The following KIF5B variants were observed in gnomAD, a reference collection of about 807,000 sequenced individuals.
The protein encoded by KIF5B is kinesin-1 heavy chain.
KIF5B carries 49 observed loss-of-function variants against 132.8 expected under a neutral mutation model. The observed-to-expected ratio is 0.37, with a 90% CI of 0.29 to 0.47. The LOEUF is 0.47. KIF5B is among the 20% of genes least tolerant of loss of function. The pLI is 1.00. For missense variants in KIF5B, 780 were observed against 1,144.0 expected (o/e 0.68, Z 4.59); for synonymous variants, 355 against 369.4 (o/e 0.96, Z 0.45).
intron 2 of KIF5B, among the ~76,000 whole-genome samples, chr10:32,041,060 C>T (rs11008743): frequency 0.19 from 28,741 of 148,028 alleles, 3,134 homozygotes; most frequent in East Asian, 0.48. Context: ...GCACAAAAAT[C>T]GCCTGAGCCC....
In KIF5B at chr10:32,018,067, A is replaced by G; in HGVS notation, c.2529T>C (p.Thr843=). The G allele has an allele frequency of 2.5e-6, 4 of 1,598,818 alleles. No homozygotes were observed. The highest frequency in any genetic ancestry group is 3.4e-6 in the Non-Finnish European group (4 of 1,167,454). The change falls in exon 23 of 26, where the codon ACT becomes ACC. Residue 843 remains threonine (T), a synonymous_variant. Coordinates refer to ENST00000302418, the MANE Select transcript of KIF5B (RefSeq NM_004521.3). ...TCTTTAGTACCTGTTTGTGCACTTTAGTGAGCTGTTCAAGATTATTTTCAA... is the reference window on the plus strand; with the variant it reads ...TCTTTAGTACCTGTTTGTGCACTTTGGTGAGCTGTTCAAGATTATTTTCAA... ...SFLENNLEQL[T]KVHKQLVRDN... is the part of the protein sequence containing the mutation.
Position 32,028,422 on chromosome 10 carries a change from ATTTACC to A in KIF5B, c.1725_1725+5del. ...ATTGTCCTTAATACTTAGTTATTAT[ATTTACC>A]TTTACATCATTATTTCCCACAGCAA... On this transcript the variant is annotated splice_donor_variant and splice_donor_5th_base_variant and coding_sequence_variant and intron_variant, in exon 15 of 26. Coordinates refer to ENST00000302418, the MANE Select transcript of KIF5B (RefSeq NM_004521.3). LOFTEE classifies it high-confidence loss of function. 1 of 1,604,978 alleles carries A rather than the reference ATTTACC, an allele frequency of 6.2e-7. No individual in the cohort carries two copies. Among genetic ancestry groups the A allele is most frequent in the Non-Finnish European group, 8.5e-7 (1 of 1,172,876 alleles).
intron 25 of KIF5B, among the ~76,000 whole-genome samples, chr10:32,013,647 A>G (rs1841115619): frequency 6.6e-6 from 1 of 151,076 alleles, no homozygotes; most frequent in South Asian, 2.1e-4. Context: ...ATTAAATAAT[A>G]TTAAAAATAT....
intron 1 of KIF5B, among the ~76,000 whole-genome samples, chr10:32,052,240 T>C (rs1841702786): frequency 6.6e-6 from 1 of 152,206 alleles, no homozygotes; most frequent in Admixed American, 6.5e-5. Context: ...ATATTAGATT[T>C]TCCTTAGTTA....
Position 32,035,470 on chromosome 10 carries a change from A to G in KIF5B, c.962+52T>C, listed in dbSNP as rs967534180. ...AACAGCTCACATTTTCCTACATTTTATAAACAAAAGGTCTATCTAAATTTA... is the reference window on the plus strand; with the variant it reads ...AACAGCTCACATTTTCCTACATTTTGTAAACAAAAGGTCTATCTAAATTTA... On this transcript the variant is annotated intron_variant, in intron 10 of 25. Coordinates refer to ENST00000302418, the MANE Select transcript of KIF5B (RefSeq NM_004521.3). 22 of 1,501,146 alleles carry G rather than the reference A, an allele frequency of 1.5e-5. No homozygotes were observed. In the South Asian group the frequency reaches 2.4e-4, roughly 16 times the overall value. The allele number at this position is 1,501,146 out of a possible 1,614,324, so 93.0% of individuals were successfully genotyped here.
At chr10:32,034,079 C>T in intron 11 of KIF5B, 41 bp from the exon 12 acceptor site, 1 of 1,238,740 alleles carries the variant, frequency 8.1e-7, no homozygotes, top group South Asian at 1.5e-5. Context: ...AAAACGACGT[C>T]TAAAGCTAAT....
chr10:32,029,989 T>C (rs558305362), intron 14 of KIF5B, among the ~76,000 whole-genome samples: 2 of 152,310 alleles, frequency 1.3e-5, no homozygotes, highest in East Asian at 1.9e-4. Flanking sequence ...TTTTGTACTG[T>C]TGACTGCTTT....
chr10:32,053,349 T>C (rs1193657958), intron 1 of KIF5B, among the ~76,000 whole-genome samples: 1 of 151,352 alleles, frequency 6.6e-6, no homozygotes, highest in Non-Finnish European at 1.5e-5. Context: ...CTGAAAACAA[T>C]GAACCAAAAC....
At chr10:32,024,064 CAA>C (rs371018606) in intron 15 of KIF5B, among the ~76,000 whole-genome samples, 13,009 of 100,136 alleles carry the variant, frequency 0.13, 803 homozygotes, top group Middle Eastern at 0.24. Context: ...AAAAAAAAAA[CAA>C]AAAAAAAAAA....
At chr10:32,016,930 A>G (rs113562397) in intron 24 of KIF5B, among the ~76,000 whole-genome samples, 1 of 152,254 alleles carries the variant, frequency 6.6e-6, no homozygotes, top group African/African-American at 2.4e-5. Context: ...TAGTTTCTCC[A>G]TTCCATGACC....
At position 32,028,504 on chromosome 10, in the gene KIF5B, C is replaced by T; in HGVS notation, c.1649G>A (p.Arg550Gln). The change falls in exon 15 of 26, where the codon CGA (arginine) becomes CAA (glutamine). Residue 550 changes from arginine (R) to glutamine (Q), a missense_variant. Arg to Gln is a conservative substitution (Grantham distance 43, BLOSUM62 1). Coordinates refer to ENST00000302418, the MANE Select transcript of KIF5B (RefSeq NM_004521.3). The part of the protein sequence containing the change: ...LKEMTNHQKK[R>Q]AAEMMASLLK... ...TAAAGATGCCATCATCTCAGCTGCT[C>T]GTTTTTTCTGGTGGTTGGTCATTTC... 1.9e-6 allele frequency: 3 copies of T among 1,613,596 alleles called. No individual in the cohort carries two copies. The highest frequency in any genetic ancestry group is 1.7e-6 in the Non-Finnish European group (2 of 1,179,658).
chr10:32,037,929 G>A (rs1318481526), intron 6 of KIF5B, among the ~76,000 whole-genome samples: 2 of 151,444 alleles, frequency 1.3e-5, no homozygotes, highest in African/African-American at 4.9e-5. Context: ...GGCCAACATG[G>A]TGAAACTTCG....
chr10:32,018,457 C>T, intron 21 of KIF5B, 45 bp downstream of exon 21: 3 of 1,590,676 alleles, frequency 1.9e-6, no homozygotes, highest in Non-Finnish European at 2.6e-6. Flanking sequence ...TAGAAAAAAC[C>T]CACAAAATAT....
At position 32,013,537 on chromosome 10, in the gene KIF5B, A is replaced by G. The variant is rs575275089; in HGVS notation, c.*20+1972T>C. On this transcript the variant is annotated intron_variant, in intron 25 of 25. Transcript: ENST00000302418. ...GATCAGAAGAGATTTAAGGGATAAA[A>G]CTAAACGCAAACAGCAGTCCTGAAT... Among the ~76,000 whole-genome samples the G allele has an allele frequency of 2.0e-4, 30 of 152,332 alleles. No individual in the cohort carries two copies. In the South Asian group the frequency reaches 5.6e-3, roughly 28 times the overall value.
Position 32,028,412 on chromosome 10 carries a change from T to C in KIF5B, c.1725+16A>G. 12 of 1,593,542 alleles carry C rather than the reference T, an allele frequency of 7.5e-6. No homozygotes were observed. Among genetic ancestry groups the C allele is most frequent in the Non-Finnish European group, 1.0e-5 (12 of 1,163,940 alleles). On this transcript the variant is annotated intron_variant, in intron 15 of 25. Coordinates refer to ENST00000302418, the MANE Select transcript of KIF5B (RefSeq NM_004521.3). ...TATACAGATAATTGTCCTTAATACT[T>C]AGTTATTATATTTACCTTTACATCA...
chr10:32,014,997 C>G lies in KIF5B; in HGVS notation c.*20+512G>C, dbSNP rs796554250. 1.4e-4 allele frequency among the ~76,000 whole-genome samples: 21 copies of G among 152,130 alleles called. 1 individual carries two copies. Among genetic ancestry groups the G allele is most frequent in the African/African-American group, 5.1e-4 (21 of 41,512 alleles). On this transcript the variant is annotated intron_variant, in intron 25 of 25. Coordinates refer to ENST00000302418, the MANE Select transcript of KIF5B (RefSeq NM_004521.3). ...AAAATTAGCCAGGCATGGTGGCAGG[C>G]GCCTGTAATCCCAGTTTGGGAGGCT...
chr10:32,034,695 C>T lies in KIF5B; in HGVS notation c.1106G>A (p.Arg369His), dbSNP rs758020230. The change falls in exon 11 of 26, where the codon CGT becomes CAT. Residue 369 changes from arginine (R) to histidine (H), a missense_variant. Arg to His is a conservative substitution (Grantham distance 29, BLOSUM62 0). Around this residue, in one of 9 missense-constraint regions of KIF5B, gnomAD observed 471 missense variants for 569.9 expected, o/e 0.83. Transcript: ENST00000302418. ...ACAAATTCTTAAGTTATTACCATTA[C>T]GCCATCTGTTGAGCTCATTTTCAAG... Reference protein sequence around the residue: ...QWLENELNRWRNGETVPIDEQ... With the variant: ...QWLENELNRWHNGETVPIDEQ... 12 of 1,580,722 alleles carry T rather than the reference C, an allele frequency of 7.6e-6. No individual in the cohort carries two copies. In the Admixed American group the frequency reaches 9.5e-5, roughly 12 times the overall value.
chr10:32,041,806 G>T (rs1470614352), intron 2 of KIF5B, among the ~76,000 whole-genome samples: 1 of 152,110 alleles, frequency 6.6e-6, no homozygotes, highest in Admixed American at 6.5e-5. Context: ...AAAAAATTTT[G>T]TAGAGACAGG....
chr10:32,038,256 A>G, intron 5 of KIF5B, 38 bp from the exon 6 acceptor site: 2 of 1,415,470 alleles, frequency 1.4e-6, no homozygotes, highest in Non-Finnish European at 2.0e-6. Context: ...CATTCTCCTA[A>G]AACTCTTAAC....
Sources: gnomAD v4.1 joint callset for allele counts (sites outside exome capture counted in the v4.1 genomes callset) on GRCh38, gnomAD v4.1.1 for gene constraint, gnomAD v4.1.1 regional missense constraint, MANE v1.5 for transcripts, NCBI Gene and HGNC (gene_info 2026-07-23, HGNC 2026-07-21) for gene names.